Variants in SLC44A5 observed in about 807,000 individuals in gnomAD.
SLC44A5 encodes solute carrier family 44 member 5, also known as choline transporter-like protein 5.
Under a neutral mutation model 101.8 loss-of-function variants are expected in SLC44A5, and 57 were observed. The observed-to-expected ratio is 0.56, with a 90% CI of 0.45 to 0.70. The LOEUF (loss-of-function observed/expected upper bound fraction) is 0.70, where lower values mean the gene tolerates loss of function less well. Among genes scored for constraint, SLC44A5 ranks in the 30% least tolerant of loss-of-function variants. The pLI, the probability that SLC44A5 is intolerant of heterozygous loss-of-function variation, is 0.00. For synonymous variants in SLC44A5, 281 were observed against 290.9 expected (o/e 0.97, Z 0.35); for missense variants, 737 against 853.1 (o/e 0.86, Z 1.70).
At chr1:75,355,006 T>C (rs917514472) in intron 3 of SLC44A5, among the ~76,000 whole-genome samples, 2 of 152,204 alleles carry the variant, frequency 1.3e-5, no homozygotes, top group African/African-American at 4.8e-5. Context: ...TATATCTGTT[T>C]CTCGATGTCC....
intron 2 of SLC44A5, among the ~76,000 whole-genome samples, chr1:75,518,409 TTTA>T (rs1669946937): frequency 6.6e-6 from 1 of 152,226 alleles, no homozygotes. Flanking sequence ...GCAGTCTGTA[TTTA>T]TCATTTGTAG....
intron 9 of SLC44A5, among the ~76,000 whole-genome samples, chr1:75,240,824 TG>T (rs1444032848): frequency 6.6e-6 from 1 of 151,968 alleles, no homozygotes; most frequent in African/African-American, 2.4e-5. Flanking sequence ...GAAAGAAGAG[TG>T]AAATTTCCCA....
chr1:75,260,502 C>T lies in SLC44A5; in HGVS notation c.261-9208G>A, dbSNP rs188693819. On this transcript the variant is annotated intron_variant, in intron 6 of 23. Coordinates refer to ENST00000370859, the MANE Select transcript of SLC44A5 (RefSeq NM_001130058.2). Reference sequence around the variant, plus strand: ...ATCCTAAATATATATGCACCCAATACAGGAACACCCAGATTATAAAACAAG... The same window carrying T: ...ATCCTAAATATATATGCACCCAATATAGGAACACCCAGATTATAAAACAAG... Among the ~76,000 whole-genome samples, 645 of 152,176 alleles carry T rather than the reference C, an allele frequency of 4.2e-3. 16 individuals carry two copies. The highest frequency in any genetic ancestry group is 0.037 in the Admixed American group (560 of 15,282).
the SLC44A5 span, among the ~76,000 whole-genome samples, chr1:75,693,280 C>T: frequency 6.6e-6 from 1 of 152,124 alleles, no homozygotes; most frequent in Non-Finnish European, 1.5e-5. Context: ...TCAGTATTGG[C>T]CTAAATATTG....
chr1:75,313,846 A>C (rs1410426316), intron 4 of SLC44A5, among the ~76,000 whole-genome samples: 3 of 152,228 alleles, frequency 2.0e-5, no homozygotes, highest in Admixed American at 2.0e-4. Context: ...AGAATAAATC[A>C]GAAAAACAAG....
At chr1:75,341,535 GA>G (rs1307694635) in intron 3 of SLC44A5, among the ~76,000 whole-genome samples, 3 of 151,618 alleles carry the variant, frequency 2.0e-5, no homozygotes, top group Non-Finnish European at 4.4e-5. Flanking sequence ...GAAAAAGAAA[GA>G]AGGAACGAGA....
chr1:75,218,741 T>G lies in SLC44A5; in HGVS notation c.1278A>C (p.Thr426=). ...NQTCDPEIFN[T]TEIAKACPGA... ...CAGGGCAAGCTTTGGCAATTTCAGT[T>G]GTATTAAAAATCTGCATTGAGAAAA... The change falls in exon 17 of 24, where the codon ACA becomes ACC. Residue 426 remains threonine (T), a synonymous_variant. Transcript: ENST00000370859. 1 of 1,611,012 alleles carries G rather than the reference T, an allele frequency of 6.2e-7. No individual in the cohort carries two copies. Among genetic ancestry groups the G allele is most frequent in the Non-Finnish European group, 8.5e-7 (1 of 1,178,778 alleles).
chr1:75,709,238 T>C, the SLC44A5 span, among the ~76,000 whole-genome samples: 4 of 152,234 alleles, frequency 2.6e-5, no homozygotes, highest in Non-Finnish European at 4.4e-5. Flanking sequence ...CAGTATAAAC[T>C]GATACTTCCA....
At chr1:75,357,127 C>T (rs1436030333) in intron 3 of SLC44A5, 1 of 451,194 alleles carries the variant, frequency 2.2e-6, no homozygotes, top group African/African-American at 2.0e-5. Flanking sequence ...TCCATGCCAT[C>T]CAATCCATCT....
At chr1:75,554,939 T>G (rs1229690009) in intron 1 of SLC44A5, among the ~76,000 whole-genome samples, 2 of 149,546 alleles carry the variant, frequency 1.3e-5, no homozygotes, top group Admixed American at 6.6e-5. Flanking sequence ...ATAGAGAAAA[T>G]AAAATGGAAC....
chr1:75,464,979 T>C (rs1026971944), intron 2 of SLC44A5, among the ~76,000 whole-genome samples: 3 of 152,146 alleles, frequency 2.0e-5, no homozygotes, highest in African/African-American at 7.2e-5. Flanking sequence ...GGACAGATAT[T>C]CTAGACAGAA....
At chr1:75,258,024 T>C (rs938272332) in intron 6 of SLC44A5, among the ~76,000 whole-genome samples, 1 of 151,954 alleles carries the variant, frequency 6.6e-6, no homozygotes, top group Non-Finnish European at 1.5e-5. Context: ...GATTTTGAGC[T>C]TTTCCCACGG....
At chr1:75,396,459 T>A (rs1662127135) in intron 3 of SLC44A5, 124 bp downstream of exon 3, 8 of 806,298 alleles carry the variant, frequency 9.9e-6, no homozygotes, top group Non-Finnish European at 1.6e-5. Context: ...AAAGCTTCAG[T>A]CAGCAATTAT....
At chr1:75,340,446 G>A (rs11163172) in intron 3 of SLC44A5, among the ~76,000 whole-genome samples, 1,688 of 152,228 alleles carry the variant, frequency 0.011, 39 homozygotes, top group African/African-American at 0.039. Flanking sequence ...CTATAAAAAG[G>A]TCTGGTCCTG....
intron 1 of SLC44A5, among the ~76,000 whole-genome samples, chr1:75,545,709 A>G (rs1481507997): frequency 6.6e-6 from 1 of 152,136 alleles, no homozygotes; most frequent in Admixed American, 6.5e-5. Flanking sequence ...TCAAACCTTT[A>G]GCTTATTGAT....
Position 75,513,979 on chromosome 1 carries a change from T to A in SLC44A5, c.13+27456A>T, listed in dbSNP as rs575284550. 5.3e-5 allele frequency among the ~76,000 whole-genome samples: 8 copies of A among 152,238 alleles called. No individual in the cohort carries two copies. In the South Asian group the frequency reaches 1.5e-3, roughly 28 times the overall value. On this transcript the variant is annotated intron_variant, in intron 2 of 23. Transcript: ENST00000370859. ...TCCCAAGTAGCTAGTAGTACAGGCATCACACCTGGCTACCACAGCTGGCTA... is the reference window on the plus strand; with the variant it reads ...TCCCAAGTAGCTAGTAGTACAGGCAACACACCTGGCTACCACAGCTGGCTA...
intron 12 of SLC44A5, among the ~76,000 whole-genome samples, chr1:75,228,313 AT>A (rs1312513800): frequency 6.6e-6 from 1 of 152,108 alleles, no homozygotes; most frequent in Non-Finnish European, 1.5e-5. Flanking sequence ...GAACTAAATC[AT>A]TTTTATCCAT....
the SLC44A5 span, among the ~76,000 whole-genome samples, chr1:75,694,933 G>A: frequency 1.3e-5 from 2 of 152,034 alleles, no homozygotes; most frequent in African/African-American, 4.8e-5. Flanking sequence ...CATATTACTT[G>A]GCATACAAGT....
At chr1:75,552,013 G>A (rs750632267) in intron 1 of SLC44A5, among the ~76,000 whole-genome samples, 1 of 152,040 alleles carries the variant, frequency 6.6e-6, no homozygotes, top group Non-Finnish European at 1.5e-5. Flanking sequence ...CATTTGGGCA[G>A]CTGCCTTTTG....
Sources: allele counts gnomAD v4.1 joint callset (sites outside exome capture counted in the v4.1 genomes callset), GRCh38; gene constraint gnomAD v4.1.1; transcripts MANE v1.5; gene names NCBI Gene and HGNC (gene_info 2026-07-23, HGNC 2026-07-21).